The following ARL15 variants were observed in gnomAD, a reference collection of about 807,000 sequenced individuals.
ARL15 encodes ARF like GTPase 15.
A neutral mutation model predicts 25.2 loss-of-function variants in ARL15; 19 were observed. That is an observed-to-expected ratio of 0.75 (90% CI 0.53 to 1.10). ARL15 has a LOEUF of 1.10. ARL15 is among the 50% of genes least tolerant of loss of function. The pLI is 0.00. For missense variants in ARL15, 220 were observed against 246.0 expected, an observed-to-expected ratio of 0.89 and a Z score of 0.71; for synonymous variants, 94 against 86.8, an observed-to-expected ratio of 1.08 and a Z score of -0.46.
chr5:54,302,666 C>T (rs1280870409), intron 1 of ARL15, among the ~76,000 whole-genome samples: 1 of 143,998 alleles, frequency 6.9e-6, no homozygotes, highest in Admixed American at 7.2e-5. Context: ...ACGCAAAGCA[C>T]CTGTTCTAAA....
At chr5:53,924,565 G>A (rs573060742) in intron 4 of ARL15, among the ~76,000 whole-genome samples, 173 of 152,332 alleles carry the variant, frequency 1.1e-3, no homozygotes, top group Non-Finnish European at 2.1e-3. Flanking sequence ...TTGGCTAGGA[G>A]GGTTGAGGGC....
chr5:54,021,694 T>C (rs1410046998), intron 4 of ARL15, among the ~76,000 whole-genome samples: 2 of 152,044 alleles, frequency 1.3e-5, no homozygotes, highest in Non-Finnish European at 2.9e-5. Flanking sequence ...AGAAAGAGGG[T>C]GTGGCTGAAA....
At chr5:54,293,596 C>T (rs971345580) in intron 1 of ARL15, among the ~76,000 whole-genome samples, 2 of 152,190 alleles carry the variant, frequency 1.3e-5, no homozygotes, top group Non-Finnish European at 2.9e-5. Context: ...TTGAAAGGAA[C>T]TTTGCATCTA....
At chr5:54,100,806 T>A (rs1752413472) in intron 4 of ARL15, among the ~76,000 whole-genome samples, 1 of 152,048 alleles carries the variant, frequency 6.6e-6, no homozygotes, top group African/African-American at 2.4e-5. Context: ...CTTTTGACAT[T>A]CAAAGTTTAG....
intron 4 of ARL15, among the ~76,000 whole-genome samples, chr5:54,089,108 G>T (rs1451597627): frequency 6.6e-6 from 1 of 152,102 alleles, no homozygotes; most frequent in Non-Finnish European, 1.5e-5. Flanking sequence ...AAGATAAACA[G>T]GTATTCTAGT....
intron 4 of ARL15, among the ~76,000 whole-genome samples, chr5:54,083,397 C>A (rs1379086196): frequency 6.6e-6 from 1 of 151,206 alleles, no homozygotes; most frequent in East Asian, 1.9e-4. Context: ...CTTAAATATT[C>A]TATGCAATAG....
At chr5:53,925,814 A>T in intron 4 of ARL15, among the ~76,000 whole-genome samples, 1 of 152,074 alleles carries the variant, frequency 6.6e-6, no homozygotes, top group South Asian at 2.1e-4. Flanking sequence ...TCTTTAAAAA[A>T]AACCAAAATA....
At chr5:54,027,604 T>A (rs947470444) in intron 4 of ARL15, among the ~76,000 whole-genome samples, 1 of 152,162 alleles carries the variant, frequency 6.6e-6, no homozygotes, top group African/African-American at 2.4e-5. Context: ...TCATGGCCCA[T>A]CATCTGGTTG....
At chr5:54,137,492 G>A (rs2112298046) in intron 3 of ARL15, among the ~76,000 whole-genome samples, 1 of 152,220 alleles carries the variant, frequency 6.6e-6, no homozygotes, top group South Asian at 2.1e-4. Context: ...CCCAGCCCTA[G>A]CCTAGTACAC....
At chr5:54,080,010 C>CACATACATAT (rs1554038852) in intron 4 of ARL15, among the ~76,000 whole-genome samples, 1 of 144,680 alleles carries the variant, frequency 6.9e-6, no homozygotes, top group African/African-American at 2.5e-5. Flanking sequence ...CACACACACA[C>CACATACATAT]ACACACAGAC....
At chr5:54,098,625 A>C (rs1752353667) in intron 4 of ARL15, among the ~76,000 whole-genome samples, 1 of 152,162 alleles carries the variant, frequency 6.6e-6, no homozygotes, top group Non-Finnish European at 1.5e-5. Flanking sequence ...AAAAAAGCAC[A>C]CCCTCGTTTT....
chr5:53,910,131 C>T (rs1033776219), intron 4 of ARL15, among the ~76,000 whole-genome samples: 1 of 152,178 alleles, frequency 6.6e-6, no homozygotes, highest in Non-Finnish European at 1.5e-5. Context: ...CAACAACTGC[C>T]CACAGGGCTG....
chr5:54,051,291 T>C (rs976001678), intron 4 of ARL15, among the ~76,000 whole-genome samples: 2 of 152,198 alleles, frequency 1.3e-5, no homozygotes, highest in African/African-American at 4.8e-5. Flanking sequence ...CTTAAGAGTA[T>C]ATAACTTTCT....
At chr5:54,242,034 C>T (rs1756971614) in intron 1 of ARL15, among the ~76,000 whole-genome samples, 1 of 152,142 alleles carries the variant, frequency 6.6e-6, no homozygotes, top group South Asian at 2.1e-4. Context: ...ACACTGCACA[C>T]AGCCTGGGTA....
At chr5:54,226,068 G>A (rs1022082148) in intron 1 of ARL15, among the ~76,000 whole-genome samples, 2 of 152,112 alleles carry the variant, frequency 1.3e-5, no homozygotes, top group African/African-American at 2.4e-5. Context: ...GATTTTCAGT[G>A]GCCTGGGATA....
intron 1 of ARL15, among the ~76,000 whole-genome samples, chr5:54,292,085 T>C (rs971007842): frequency 2.0e-5 from 3 of 152,208 alleles, no homozygotes; most frequent in African/African-American, 7.2e-5. Flanking sequence ...ACTCAGGTGG[T>C]AGTATCTACC....
At chr5:53,918,913 A>G (rs1468280786) in intron 4 of ARL15, among the ~76,000 whole-genome samples, 2 of 152,190 alleles carry the variant, frequency 1.3e-5, no homozygotes, top group Non-Finnish European at 2.9e-5. Flanking sequence ...TACACAATTA[A>G]AATTAGTACA....
chr5:53,907,482 ATATATATTTTTTT>A (rs1490525735), intron 4 of ARL15, among the ~76,000 whole-genome samples: 81 of 31,284 alleles, frequency 2.6e-3, no homozygotes, highest in African/African-American at 5.4e-3. Flanking sequence ...ATATATATAT[ATATATATTTTTTT>A]TTTTTTTTTT....
chr5:54,122,571 T>C (rs1438993016), intron 3 of ARL15, among the ~76,000 whole-genome samples: 1 of 152,226 alleles, frequency 6.6e-6, no homozygotes, highest in African/African-American at 2.4e-5. Flanking sequence ...AAAGCATAGA[T>C]AACCAAAAAT....
Sources: allele counts gnomAD v4.1 joint callset (sites outside exome capture counted in the v4.1 genomes callset), GRCh38; gene constraint gnomAD v4.1.1; transcripts MANE v1.5; gene names NCBI Gene and HGNC (gene_info 2026-07-23, HGNC 2026-07-21).